The following ATM variants were observed in gnomAD, a reference collection of about 807,000 sequenced individuals.
ATM encodes serine-protein kinase ATM.
ATM carries 308 observed loss-of-function variants against 387.0 expected under a neutral mutation model. That is an observed-to-expected ratio of 0.80 (90% confidence interval 0.73 to 0.87). The LOEUF (loss-of-function observed/expected upper bound fraction) is 0.87. ATM is among the 40% of genes least tolerant of loss of function. The pLI is 0.00. For missense variants in ATM, 3,312 were observed against 3,560.9 expected (o/e 0.93, Z 1.78); for synonymous variants, 1,156 against 1,187.3 (o/e 0.97, Z 0.54).
chr11:108,308,308 C>G (rs1247608875), intron 38 of ATM, among the ~76,000 whole-genome samples: 1 of 152,144 alleles, frequency 6.6e-6, no homozygotes, highest in Non-Finnish European at 1.5e-5. Flanking sequence ...AGCTGTATTA[C>G]CCCTCTTTTT....
At chr11:108,307,873 A>G in intron 37 of ATM, 24 bp from the exon 38 acceptor site, 1 of 1,580,710 alleles carries the variant, frequency 6.3e-7, no homozygotes, top group Non-Finnish European at 8.7e-7. Context: ...CCTGGGACTG[A>G]GGGGAGATAT....
intron 22 of ATM, among the ~76,000 whole-genome samples, chr11:108,276,065 T>C (rs934404209): frequency 6.6e-5 from 10 of 152,196 alleles, no homozygotes; most frequent in Non-Finnish European, 1.5e-4. Flanking sequence ...TCCTTTTCAT[T>C]CTTTTTTCTC....
At chr11:108,293,218 G>A (rs1565462503) in intron 30 of ATM, 95 bp from the exon 31 acceptor site, 2 of 809,682 alleles carry the variant, frequency 2.5e-6, no homozygotes, top group Non-Finnish European at 3.8e-6. Context: ...TCTGATCTAG[G>A]TTAATAGATT....
Position 108,301,794 on chromosome 11 carries a change from CTT to C in ATM, c.5319+6_5319+7del, listed in dbSNP as rs777478613. 7 of 1,613,008 alleles carry C rather than the reference CTT, an allele frequency of 4.3e-6. No homozygotes were observed. The highest frequency in any genetic ancestry group is 1.3e-5 in the African/African-American group (1 of 74,872). On this transcript the variant is annotated splice_donor_region_variant and intron_variant, in intron 35 of 62. Transcript: ENST00000675843. Reference sequence around the variant, plus strand: ...TTTAGAACATCAAGAAAAAAGGTCTCTTAAGTAATAAATGTTTATTGAATACC... The same window carrying C: ...TTTAGAACATCAAGAAAAAAGGTCTCAAGTAATAAATGTTTATTGAATACC...
chr11:108,337,823 G>A (rs766882432), intron 56 of ATM, among the ~76,000 whole-genome samples: 4 of 152,188 alleles, frequency 2.6e-5, no homozygotes, highest in Non-Finnish European at 4.4e-5. Flanking sequence ...GTGAAGAATT[G>A]GGTTACAAAA....
At chr11:108,238,964 C>T (rs2079431631) in intron 5 of ATM, among the ~76,000 whole-genome samples, 1 of 152,040 alleles carries the variant, frequency 6.6e-6, no homozygotes, top group Non-Finnish European at 1.5e-5. Flanking sequence ...ACCATTTTCC[C>T]CTCCCCTATC....
At chr11:108,266,371 A>G (rs2081238467) in intron 16 of ATM, among the ~76,000 whole-genome samples, 1 of 151,832 alleles carries the variant, frequency 6.6e-6, no homozygotes, top group Non-Finnish European at 1.5e-5. Flanking sequence ...CATTCTCAGT[A>G]AACTGTCGCA....
At chr11:108,251,712 T>C in intron 10 of ATM, 125 bp from the exon 11 acceptor site, 1 of 934,704 alleles carries the variant, frequency 1.1e-6, no homozygotes, top group South Asian at 1.4e-5. Flanking sequence ...TAATCAGACT[T>C]TTAACAGTTT....
chr11:108,254,026 A>C lies in ATM; in HGVS notation c.2111A>C (p.Asn704Thr), dbSNP rs753903558. Residue 704 changes from asparagine to threonine, a missense_variant, in exon 13 of 63, where the codon AAT becomes ACT. Asn to Thr is a moderately conservative substitution (Grantham distance 65). Coordinates refer to ENST00000675843, the MANE Select transcript of ATM (RefSeq NM_000051.4). Reference protein sequence around the residue: ...LLGLSEQLLNNYSSEITNSET... With the variant: ...LLGLSEQLLNTYSSEITNSET... ...GGATTATCAGAACAGCTTCTGAATA[A>C]TTACTCATCTGAGGTGAGATTTTTT... The C allele has an allele frequency of 1.2e-6, 2 of 1,613,704 alleles. No homozygotes were observed. Among genetic ancestry groups the C allele is most frequent in the South Asian group, 2.2e-5 (2 of 91,070 alleles).
intron 4 of ATM, chr11:108,231,617 A>G (rs1242495774): frequency 6.8e-6 from 1 of 146,108 alleles, no homozygotes; most frequent in Non-Finnish European, 1.5e-5. Flanking sequence ...AATTGCTTGA[A>G]CCTGGAAGGT....
chr11:108,345,900 C>A lies in ATM; in HGVS notation c.8576C>A (p.Ser2859Tyr). Residue 2859 changes from serine (S) to tyrosine (Y), a missense_variant, in exon 58 of 63, where the codon TCT becomes TAT. Coordinates refer to ENST00000675843, the MANE Select transcript of ATM (RefSeq NM_000051.4). ...GCTTATACGCGCAGTGTAGCTACTT[C>A]TTCTATTGGTAATCTTCTTGTACAT... ...RLAYTRSVATSSIVGYILGLG... is the reference protein window; with the variant it reads ...RLAYTRSVATYSIVGYILGLG... 6.2e-7 allele frequency: 1 copy of A among 1,613,574 alleles called. No individual in the cohort carries two copies. Among genetic ancestry groups the A allele is most frequent in the Non-Finnish European group, 8.5e-7 (1 of 1,179,690 alleles).
chr11:108,234,979 C>T (rs1002077868), intron 4 of ATM, among the ~76,000 whole-genome samples: 1 of 152,002 alleles, frequency 6.6e-6, no homozygotes, highest in African/African-American at 2.4e-5. Flanking sequence ...ATAAAGAGTG[C>T]CAAAAAACTT....
intron 61 of ATM, among the ~76,000 whole-genome samples, chr11:108,358,776 A>G (rs1247577756): frequency 1.3e-5 from 2 of 149,210 alleles, no homozygotes; most frequent in Non-Finnish European, 3.0e-5. Flanking sequence ...GGCCTACCCT[A>G]AAAGAGCTCC....
At chr11:108,324,321 C>T (rs2085448760) in intron 45 of ATM, among the ~76,000 whole-genome samples, 1 of 152,072 alleles carries the variant, frequency 6.6e-6, no homozygotes, top group African/African-American at 2.4e-5. Flanking sequence ...CAATTTTCTG[C>T]AGATACAGAG....
chr11:108,283,937 T>G (rs547451660), intron 25 of ATM, among the ~76,000 whole-genome samples: 2 of 152,278 alleles, frequency 1.3e-5, no homozygotes, highest in African/African-American at 4.8e-5. Context: ...CCATTTTTAT[T>G]TGTTTATTGT....
rs2080180530 is a variant in ATM at position 108,252,028 on chromosome 11, A to T, written c.1799A>T (p.His600Leu). Residue 600 changes from histidine (H) to leucine (L), a missense_variant, in exon 11 of 63, where the codon CAC becomes CTC. Physicochemically the swap from His to Leu is moderately conservative, Grantham distance 99. Around this residue, in one of 4 missense-constraint regions of ATM, gnomAD observed 1,791 missense variants for 1,804.5 expected, o/e 0.99. Coordinates refer to ENST00000675843, the MANE Select transcript of ATM (RefSeq NM_000051.4). ...ENSTEVPPILHSNFPHLVLEK... is the reference protein window; with the variant it reads ...ENSTEVPPILLSNFPHLVLEK... ...AGCACAGAAGTGCCTCCAATTCTTC[A>T]CAGGTAATTTAAGTTCATTAGCATG... The T allele has an allele frequency of 1.9e-6, 3 of 1,611,500 alleles. No individual in the cohort carries two copies. Among genetic ancestry groups the T allele is most frequent in the Non-Finnish European group, 2.5e-6 (3 of 1,179,350 alleles).
intron 39 of ATM, among the ~76,000 whole-genome samples, chr11:108,310,694 T>TCTAAA (rs1454838274): frequency 2.0e-5 from 3 of 152,178 alleles, no homozygotes; most frequent in Non-Finnish European, 4.4e-5. Flanking sequence ...ACCACTAATT[T>TCTAAA]CTAAACTATT....
chr11:108,267,043 G>A, intron 16 of ATM, 128 bp from the exon 17 acceptor site: 1 of 893,432 alleles, frequency 1.1e-6, no homozygotes, highest in Non-Finnish European at 1.8e-6. Context: ...TGATCCACCT[G>A]GCTCTGCCTC....
At chr11:108,316,805 AG>A (rs1382494649) in intron 42 of ATM, among the ~76,000 whole-genome samples, 1 of 149,546 alleles carries the variant, frequency 6.7e-6, no homozygotes, top group Non-Finnish European at 1.5e-5. Flanking sequence ...GGGTGCCTGT[AG>A]GCCCAGCTAC....
Sources: allele counts gnomAD v4.1 joint callset (sites outside exome capture counted in the v4.1 genomes callset), GRCh38; gene constraint gnomAD v4.1.1; regional missense constraint gnomAD v4.1.1; transcripts MANE v1.5; gene names NCBI Gene and HGNC (gene_info 2026-07-23, HGNC 2026-07-21).